The following LRMDA variants were observed in gnomAD, a reference collection of about 807,000 sequenced individuals.
The protein encoded by LRMDA is leucine rich melanocyte differentiation associated.
In LRMDA, 18 loss-of-function variants were observed where a neutral mutation model predicts 29.8. The observed-to-expected ratio is 0.60, with a 90% CI of 0.42 to 0.90. LRMDA has a LOEUF of 0.90. LRMDA is among the 40% of genes least tolerant of loss of function. The probability of loss-of-function intolerance (pLI) is 0.00; values close to 1 mark genes in which losing one functional copy is unlikely to be tolerated. For missense variants in LRMDA, 273 were observed against 273.9 expected, an observed-to-expected ratio of 1.00 and a Z score of 0.02; for synonymous variants, 125 against 109.4, an observed-to-expected ratio of 1.14 and a Z score of -0.89.
chr10:76,172,382 T>G (rs912292103), intron 5 of LRMDA, among the ~76,000 whole-genome samples: 2 of 152,172 alleles, frequency 1.3e-5, no homozygotes, highest in African/African-American at 2.4e-5. Flanking sequence ...CAGCCCACCA[T>G]CTACAGAGTA....
chr10:76,156,265 G>T (rs1391732271), intron 5 of LRMDA, among the ~76,000 whole-genome samples: 1 of 152,132 alleles, frequency 6.6e-6, no homozygotes, highest in African/African-American at 2.4e-5. Flanking sequence ...AACCCTGGAG[G>T]ACTTCTCTTT....
intron 2 of LRMDA, among the ~76,000 whole-genome samples, chr10:75,598,336 C>T (rs1477236466): frequency 4.6e-5 from 7 of 151,994 alleles, no homozygotes; most frequent in East Asian, 3.9e-4. Context: ...GGCTATGGCT[C>T]GCTAATAAAC....
chr10:76,303,001 C>A (rs1840500731), intron 5 of LRMDA, among the ~76,000 whole-genome samples: 1 of 152,172 alleles, frequency 6.6e-6, no homozygotes, highest in South Asian at 2.1e-4. Context: ...TTCCTCATCT[C>A]CCCCTGAAAG....
chr10:76,396,994 C>T (rs914347000), intron 6 of LRMDA, among the ~76,000 whole-genome samples: 1 of 152,174 alleles, frequency 6.6e-6, no homozygotes, highest in Non-Finnish European at 1.5e-5. Context: ...CCCTCTTTTC[C>T]CTCAACTTGT....
intron 2 of LRMDA, among the ~76,000 whole-genome samples, chr10:75,562,460 G>A (rs1272338263): frequency 6.6e-6 from 1 of 152,070 alleles, no homozygotes; most frequent in African/African-American, 2.4e-5. Context: ...AATACAGCAT[G>A]CTGATGGGTC....
intron 2 of LRMDA, among the ~76,000 whole-genome samples, chr10:75,519,126 T>C (rs1301045074): frequency 6.6e-6 from 1 of 152,220 alleles, no homozygotes; most frequent in Admixed American, 6.5e-5. Context: ...CTTCTAATTC[T>C]GTGGTCAGTT....
chr10:75,457,713 T>G (rs145787741), intron 2 of LRMDA, among the ~76,000 whole-genome samples: 147 of 152,332 alleles, frequency 9.6e-4, no homozygotes, highest in South Asian at 8.7e-3. Context: ...GTTTTAGTCC[T>G]CTTGCTGCTG....
intron 2 of LRMDA, among the ~76,000 whole-genome samples, chr10:75,469,217 T>C (rs1844696635): frequency 6.6e-6 from 1 of 151,892 alleles, no homozygotes; most frequent in South Asian, 2.1e-4. Flanking sequence ...AGAGATGATT[T>C]ATGATGACAT....
intron 2 of LRMDA, among the ~76,000 whole-genome samples, chr10:75,562,352 AC>A (rs1436935840): frequency 1.3e-5 from 2 of 151,702 alleles, no homozygotes; most frequent in Non-Finnish European, 2.9e-5. Flanking sequence ...TAGGACTGCA[AC>A]CCCTGCCTTT....
intron 5 of LRMDA, among the ~76,000 whole-genome samples, chr10:76,172,111 C>G (rs1001975433): frequency 5.9e-5 from 9 of 152,126 alleles, no homozygotes; most frequent in African/African-American, 1.7e-4. Flanking sequence ...CTCTTCCCAC[C>G]AGAGTGAGAA....
intron 5 of LRMDA, among the ~76,000 whole-genome samples, chr10:76,154,049 A>G (rs915946174): frequency 6.6e-6 from 1 of 152,218 alleles, no homozygotes; most frequent in African/African-American, 2.4e-5. Context: ...CACATTTGCC[A>G]TTCTTGTATT....
At chr10:76,107,997 C>T (rs1038529291) in intron 5 of LRMDA, among the ~76,000 whole-genome samples, 2 of 152,162 alleles carry the variant, frequency 1.3e-5, no homozygotes, top group Admixed American at 1.3e-4. Flanking sequence ...ATCACTTAGT[C>T]TTTATCTCAA....
chr10:75,489,330 T>C (rs1392662141), intron 2 of LRMDA, among the ~76,000 whole-genome samples: 2 of 152,208 alleles, frequency 1.3e-5, no homozygotes, highest in Non-Finnish European at 1.5e-5. Context: ...TGAAAAATTC[T>C]TGGACTGGTC....
intron 5 of LRMDA, among the ~76,000 whole-genome samples, chr10:76,177,401 CAAAA>C (rs774048326): frequency 2.1e-5 from 3 of 141,428 alleles, no homozygotes; most frequent in African/African-American, 7.7e-5. Flanking sequence ...TTAAAAAAGA[CAAAA>C]AAAAAACAAC....
intron 2 of LRMDA, among the ~76,000 whole-genome samples, chr10:75,982,331 C>G (rs1186499544): frequency 6.6e-6 from 1 of 152,206 alleles, no homozygotes; most frequent in Non-Finnish European, 1.5e-5. Context: ...TACATTCCCT[C>G]TCACTTCTGG....
At chr10:75,554,927 CAGT>C (rs1160344852) in intron 2 of LRMDA, among the ~76,000 whole-genome samples, 2 of 152,124 alleles carry the variant, frequency 1.3e-5, no homozygotes, top group African/African-American at 4.8e-5. Context: ...ATACTCTTGT[CAGT>C]AGAGAGATTT....
In LRMDA at chr10:75,483,959, G is replaced by A. The variant is rs1844881665; in HGVS notation, c.131+45465G>A. On this transcript the variant is annotated intron_variant, in intron 2 of 6. Transcript: ENST00000611255. ...ACATGACCATGTGGTCCTCCCCACT[G>A]CCACCCTTTTTTCTGAGACAGGATC... 4.1e-5 allele frequency among the ~76,000 whole-genome samples: 6 copies of A among 146,842 alleles called. No homozygotes were observed. The South Asian group carries it at 1.3e-3, about 33-fold the overall frequency.
intron 6 of LRMDA, among the ~76,000 whole-genome samples, chr10:76,545,270 G>T (rs1843406617): frequency 6.7e-6 from 1 of 150,314 alleles, no homozygotes. Context: ...ATTTCAGCCT[G>T]CAGAACCAGA....
chr10:75,584,791 G>C (rs1840637935), intron 2 of LRMDA, among the ~76,000 whole-genome samples: 1 of 152,196 alleles, frequency 6.6e-6, no homozygotes, highest in Non-Finnish European at 1.5e-5. Flanking sequence ...AGTGCTTGCT[G>C]ACAGGCGATA....
Sources: allele counts gnomAD v4.1 joint callset (sites outside exome capture counted in the v4.1 genomes callset), GRCh38; gene constraint gnomAD v4.1.1; transcripts MANE v1.5; gene names NCBI Gene and HGNC (gene_info 2026-07-23, HGNC 2026-07-21).